The following MB21D2 variants were observed in gnomAD, a reference collection of about 807,000 sequenced individuals.
MB21D2 encodes the protein Mab-21 domain containing 2.
MB21D2 carries 9 observed loss-of-function variants against 33.3 expected under a neutral mutation model. The ratio of observed to expected loss-of-function variants is 0.27; its 90% CI spans 0.16 to 0.47. MB21D2 has a LOEUF of 0.47. Ranked by LOEUF, MB21D2 falls within the 20% of genes least tolerant of loss-of-function variation. The pLI is 0.99. For synonymous variants in MB21D2, 241 were observed against 236.3 expected (o/e 1.02, Z -0.18); for missense variants, 540 against 624.6 (o/e 0.86, Z 1.44).
At chr3:192,806,198 A>G (rs919590159) in intron 1 of MB21D2, among the ~76,000 whole-genome samples, 1 of 152,204 alleles carries the variant, frequency 6.6e-6, no homozygotes. Flanking sequence ...GAACTAAATT[A>G]GCACTTTCGA....
chr3:192,829,881 C>T (rs1712275081), intron 1 of MB21D2, among the ~76,000 whole-genome samples: 3 of 152,174 alleles, frequency 2.0e-5, no homozygotes. Context: ...CATGCACCAC[C>T]ATGCCCAGCT....
At chr3:192,848,875 G>A (rs1233515496) in intron 1 of MB21D2, among the ~76,000 whole-genome samples, 2 of 152,156 alleles carry the variant, frequency 1.3e-5, no homozygotes, top group East Asian at 3.8e-4. Context: ...GAAAGTGCTC[G>A]CTTCCCCTTG....
chr3:192,916,706 G>T (rs767958455), intron 1 of MB21D2, among the ~76,000 whole-genome samples: 1 of 152,138 alleles, frequency 6.6e-6, no homozygotes, highest in Non-Finnish European at 1.5e-5. Context: ...GGGTGGGCTC[G>T]GTCTCCCGGG....
chr3:192,917,685 G>A lies in MB21D2; in HGVS notation c.156C>T (p.Asp52=). ...EFTKHDQREY[D]DQRALEIHTA... is the part of the protein sequence containing the mutation. The stretch of plus-strand genomic sequence containing the variant: ...TGTGAATCTCCAGCGCTCTCTGGTC[G>A]TCGTATTCCCGCTGGTCGTGCTTCG... Residue 52 remains aspartate (D), a synonymous_variant, in exon 1 of 2, where the codon GAC becomes GAT. Transcript: ENST00000392452. 1.2e-6 allele frequency: 2 copies of A among 1,614,134 alleles called. No homozygotes were observed. Among genetic ancestry groups the A allele is most frequent in the East Asian group, 2.2e-5 (1 of 44,872 alleles).
At chr3:192,895,150 A>G (rs1468971128) in intron 1 of MB21D2, among the ~76,000 whole-genome samples, 1 of 152,158 alleles carries the variant, frequency 6.6e-6, no homozygotes, top group Non-Finnish European at 1.5e-5. Flanking sequence ...GGCCTGAAGG[A>G]ACAGGAGTGT....
intron 1 of MB21D2, among the ~76,000 whole-genome samples, chr3:192,870,242 G>C (rs1248396517): frequency 6.6e-6 from 1 of 152,100 alleles, no homozygotes; most frequent in Non-Finnish European, 1.5e-5. Context: ...TCCTGACTGT[G>C]TCTCTCTAGC....
intron 1 of MB21D2, among the ~76,000 whole-genome samples, chr3:192,884,573 T>G (rs546902028): frequency 1.3e-5 from 2 of 152,020 alleles, no homozygotes; most frequent in Non-Finnish European, 2.9e-5. Context: ...TTCACCGTGT[T>G]AGCCAGGATG....
intron 1 of MB21D2, among the ~76,000 whole-genome samples, chr3:192,842,969 T>A (rs73890338): frequency 0.071 from 10,766 of 152,292 alleles, 1,276 homozygotes; most frequent in African/African-American, 0.25. Context: ...AAAGAAGTTA[T>A]CATGCCCTTG....
chr3:192,836,013 T>G (rs1712430129), intron 1 of MB21D2, among the ~76,000 whole-genome samples: 1 of 152,096 alleles, frequency 6.6e-6, no homozygotes, highest in Admixed American at 6.6e-5. Context: ...GGTGTTGGAG[T>G]GAGGCAATAG....
chr3:192,817,946 GC>G (rs35328129), intron 1 of MB21D2, among the ~76,000 whole-genome samples: 14 of 133,546 alleles, frequency 1.0e-4, no homozygotes, highest in African/African-American at 3.9e-4. Flanking sequence ...ATTGGCCCCA[GC>G]CCCCAAACGG....
intron 1 of MB21D2, among the ~76,000 whole-genome samples, chr3:192,870,719 A>AAAAAAAAAAG (rs1713274388): frequency 7.4e-6 from 1 of 134,532 alleles, no homozygotes; most frequent in Non-Finnish European, 1.5e-5. Flanking sequence ...AAAAAAAAAA[A>AAAAAAAAAAG]GGAAGGAGAG....
chr3:192,806,835 GT>G (rs1238949952), intron 1 of MB21D2, among the ~76,000 whole-genome samples: 1 of 152,098 alleles, frequency 6.6e-6, no homozygotes, highest in African/African-American at 2.4e-5. Context: ...TTAAAAATTG[GT>G]GGGCTTTGTC....
intron 1 of MB21D2, among the ~76,000 whole-genome samples, chr3:192,840,651 G>A (rs1712550489): frequency 6.6e-6 from 1 of 152,032 alleles, no homozygotes; most frequent in Non-Finnish European, 1.5e-5. Flanking sequence ...CTCCCCAGAT[G>A]ACTTAATGAG....
At chr3:192,836,092 G>A (rs564167186) in intron 1 of MB21D2, among the ~76,000 whole-genome samples, 1 of 152,146 alleles carries the variant, frequency 6.6e-6, no homozygotes, top group Admixed American at 6.5e-5. Context: ...TATAAATCAA[G>A]AGATCTAATT....
chr3:192,890,216 A>G (rs768016370), intron 1 of MB21D2, among the ~76,000 whole-genome samples: 1 of 152,080 alleles, frequency 6.6e-6, no homozygotes, highest in Non-Finnish European at 1.5e-5. Flanking sequence ...TTAGTATATA[A>G]AACTAGCTAA....
In MB21D2 at chr3:192,917,621, C is replaced by T. The variant is rs772449400; in HGVS notation, c.211+9G>A. ...CACGCACACACACCTCCCCCTTTTTCCTCCTTACCCAGCATGGAAAAGATG... is the reference window on the plus strand; with the variant it reads ...CACGCACACACACCTCCCCCTTTTTTCTCCTTACCCAGCATGGAAAAGATG... On this transcript the variant is annotated intron_variant, in intron 1 of 1. Transcript: ENST00000392452. 1.9e-6 allele frequency: 3 copies of T among 1,613,644 alleles called. No homozygotes were observed. The highest frequency in any genetic ancestry group is 1.1e-5 in the South Asian group (1 of 91,014).
At chr3:192,837,499 C>T (rs922873050) in intron 1 of MB21D2, among the ~76,000 whole-genome samples, 4 of 152,062 alleles carry the variant, frequency 2.6e-5, no homozygotes, top group African/African-American at 4.8e-5. Flanking sequence ...TTCATCATTC[C>T]GAGGCCCCTC....
chr3:192,908,700 G>A (rs929355851), intron 1 of MB21D2, among the ~76,000 whole-genome samples: 1 of 151,702 alleles, frequency 6.6e-6, no homozygotes, highest in Non-Finnish European at 1.5e-5. Flanking sequence ...TTACAGGCAT[G>A]AGCCACCACG....
chr3:192,870,825 CTCA>C (rs951818024), intron 1 of MB21D2, among the ~76,000 whole-genome samples: 1 of 150,554 alleles, frequency 6.6e-6, no homozygotes, highest in African/African-American at 2.4e-5. Context: ...GAGATAGTTT[CTCA>C]TCATATCTCT....
Sources: allele counts gnomAD v4.1 joint callset (sites outside exome capture counted in the v4.1 genomes callset), GRCh38; gene constraint gnomAD v4.1.1; transcripts MANE v1.5; gene names NCBI Gene and HGNC (gene_info 2026-07-23, HGNC 2026-07-21).